The following RUNX1 variants were observed in gnomAD, a reference collection of about 807,000 sequenced individuals.
RUNX1 encodes the protein runt-related transcription factor 1.
Under a neutral mutation model 42.8 loss-of-function variants are expected in RUNX1, and 19 were observed. The observed-to-expected ratio is 0.44, with a 90% CI of 0.31 to 0.65. The LOEUF (loss-of-function observed/expected upper bound fraction) is 0.65. Ranked by LOEUF, RUNX1 falls within the 30% of genes least tolerant of loss-of-function variation. The pLI is 0.07. For synonymous variants in RUNX1, 271 were observed against 289.4 expected (o/e 0.94, Z 0.64); for missense variants, 528 against 672.0 (o/e 0.79, Z 2.37).
intron 2 of RUNX1, among the ~76,000 whole-genome samples, chr21:34,991,672 A>G (rs2058941598): frequency 6.6e-6 from 1 of 152,186 alleles, no homozygotes; most frequent in African/African-American, 2.4e-5. Flanking sequence ...AAAGTGGTAG[A>G]TAGGGGAACG....
chr21:34,856,754 A>G (rs2146218306), intron 6 of RUNX1, among the ~76,000 whole-genome samples: 1 of 152,330 alleles, frequency 6.6e-6, no homozygotes, highest in East Asian at 1.9e-4. Flanking sequence ...GACCTTGGCA[A>G]TGCCAGGGCC....
intron 2 of RUNX1, among the ~76,000 whole-genome samples, chr21:34,999,823 C>T (rs536519982): frequency 6.6e-6 from 1 of 152,262 alleles, no homozygotes; most frequent in East Asian, 1.9e-4. Flanking sequence ...GTGACTATTG[C>T]GTCAGACTAA....
At chr21:34,985,435 G>A (rs557142681) in intron 2 of RUNX1, among the ~76,000 whole-genome samples, 145 of 152,348 alleles carry the variant, frequency 9.5e-4, no homozygotes, top group Non-Finnish European at 1.5e-3. Flanking sequence ...ATCTGTAGGA[G>A]TGGAATAGGC....
Position 34,788,952 on chromosome 21 carries a change from T to C in RUNX1, c.*3183A>G, listed in dbSNP as rs1269399414. 8.6e-6 allele frequency: 2 copies of C among 233,330 alleles called. No individual in the cohort carries two copies. Among genetic ancestry groups the C allele is most frequent in the Admixed American group, 1.1e-4 (2 of 17,806 alleles). The allele number at this position is 233,330 out of a possible 1,614,324, so 14.5% of individuals were successfully genotyped here. A position where few individuals can be genotyped will look rare whatever the true frequency, so the allele number is the denominator to read the frequency against. On this transcript the variant is annotated 3_prime_UTR_variant, in exon 9 of 9. Coordinates refer to ENST00000675419, the MANE Select transcript of RUNX1 (RefSeq NM_001754.5). Reference sequence around the variant, plus strand: ...CAAGGCAGAAATCTGCAATCCTAAATTGCAGGACATTTGAGTGGAACCATT... The same window carrying C: ...CAAGGCAGAAATCTGCAATCCTAAACTGCAGGACATTTGAGTGGAACCATT...
Position 34,792,084 on chromosome 21 carries a change from C to G in RUNX1, c.*51G>C. 3 of 1,194,856 alleles carry G rather than the reference C, an allele frequency of 2.5e-6. No homozygotes were observed. The highest frequency in any genetic ancestry group is 3.2e-6 in the Non-Finnish European group (3 of 930,380). The allele number at this position is 1,194,856 out of a possible 1,614,324, so 74.0% of individuals were successfully genotyped here. On this transcript the variant is annotated 3_prime_UTR_variant, in exon 9 of 9. Transcript: ENST00000675419. This position sits in a 1 kb window ranked among gnomAD's most constrained non-coding sequence, Gnocchi z 6.9. ...GTCGCGAACAGGAGGCCCGCGCGCC[C>G]GGAGGCGAAGGCGGCGGCCCGCGGG...
At chr21:34,940,896 T>C (rs1413792227) in intron 2 of RUNX1, among the ~76,000 whole-genome samples, 9 of 152,224 alleles carry the variant, frequency 5.9e-5, no homozygotes, top group African/African-American at 2.2e-4. Flanking sequence ...TGGACTGAAA[T>C]AAACTCAGGT....
intron 2 of RUNX1, 59 bp from the exon 3 acceptor site, chr21:34,893,022 C>A: frequency 8.3e-7 from 1 of 1,207,778 alleles, no homozygotes; most frequent in Non-Finnish European, 1.2e-6. Flanking sequence ...TAACTTTCCC[C>A]CGACTTTTTT....
At chr21:34,911,359 A>G (rs1215840750) in intron 2 of RUNX1, among the ~76,000 whole-genome samples, 1 of 152,220 alleles carries the variant, frequency 6.6e-6, no homozygotes, top group East Asian at 1.9e-4. Flanking sequence ...GACATCTCAT[A>G]GATAGCAACC....
intron 2 of RUNX1, among the ~76,000 whole-genome samples, chr21:35,021,046 C>T (rs2059194508): frequency 6.6e-6 from 1 of 152,126 alleles, no homozygotes; most frequent in Non-Finnish European, 1.5e-5. Flanking sequence ...AGTCTTTTCT[C>T]AAGAGAAAAT....
chr21:34,990,858 T>G (rs1315470358), intron 2 of RUNX1, among the ~76,000 whole-genome samples: 2 of 152,184 alleles, frequency 1.3e-5, no homozygotes, highest in African/African-American at 2.4e-5. Flanking sequence ...TCCAAAGTGC[T>G]GGGATTATAG....
chr21:34,847,775 T>C (rs2057338244), intron 6 of RUNX1, among the ~76,000 whole-genome samples: 1 of 152,216 alleles, frequency 6.6e-6, no homozygotes, highest in African/African-American at 2.4e-5. Flanking sequence ...GGCAACATGG[T>C]TGACAGGGTT....
chr21:34,951,825 C>A (rs891057454), intron 2 of RUNX1, among the ~76,000 whole-genome samples: 2 of 152,172 alleles, frequency 1.3e-5, no homozygotes, highest in African/African-American at 4.8e-5. Flanking sequence ...GTGGCGATTT[C>A]TCAAGGATCT....
At chr21:34,924,272 G>A (rs947696649) in intron 2 of RUNX1, among the ~76,000 whole-genome samples, 1 of 152,166 alleles carries the variant, frequency 6.6e-6, no homozygotes, top group African/African-American at 2.4e-5. Flanking sequence ...CTTGCTAAGT[G>A]CTAGGCTCTG....
intron 2 of RUNX1, among the ~76,000 whole-genome samples, chr21:35,014,694 G>A (rs767583098): frequency 1.3e-5 from 2 of 152,188 alleles, no homozygotes; most frequent in Admixed American, 1.3e-4. Flanking sequence ...TTAGCAAATC[G>A]GAGCTTCCTC....
At position 34,788,691 on chromosome 21, in the gene RUNX1, T is replaced by C. The variant is rs183666715; in HGVS notation, c.*3444A>G. 370 of 233,482 alleles carry C rather than the reference T, an allele frequency of 1.6e-3. 4 individuals carry two copies. The highest frequency in any genetic ancestry group is 1.3e-3 in the Admixed American group (24 of 17,794). 14.5% of individuals were successfully genotyped at this position (233,482 alleles called of 1,614,324 possible). A position where few individuals can be genotyped will look rare whatever the true frequency, so the allele number is the denominator to read the frequency against. ...AAAAAGAGCCAAATGATCAGCCTCA[T>C]CAATACTGACCTGGCTAAAAACAAA... On this transcript the variant is annotated 3_prime_UTR_variant, in exon 9 of 9. Coordinates refer to ENST00000675419, the MANE Select transcript of RUNX1 (RefSeq NM_001754.5).
At chr21:34,996,121 G>T (rs1262247940) in intron 2 of RUNX1, among the ~76,000 whole-genome samples, 1 of 152,096 alleles carries the variant, frequency 6.6e-6, no homozygotes, top group African/African-American at 2.4e-5. Context: ...GACTTGGGAG[G>T]ACCATGAGGC....
At chr21:35,016,378 G>A (rs73203042) in intron 2 of RUNX1, among the ~76,000 whole-genome samples, 18 of 152,288 alleles carry the variant, frequency 1.2e-4, no homozygotes, top group Non-Finnish European at 2.2e-4. Flanking sequence ...TGGGGCTTGA[G>A]TAAAGCTTTC....
intron 6 of RUNX1, among the ~76,000 whole-genome samples, chr21:34,852,498 C>T (rs1426713167): frequency 6.6e-6 from 1 of 152,188 alleles, no homozygotes; most frequent in Non-Finnish European, 1.5e-5. Flanking sequence ...TCGCTGGAAA[C>T]ATTTAGGCAC....
At chr21:34,947,444 GTGAC>G (rs768293283) in intron 2 of RUNX1, among the ~76,000 whole-genome samples, 3 of 152,186 alleles carry the variant, frequency 2.0e-5, no homozygotes, top group Non-Finnish European at 2.9e-5. Flanking sequence ...TCTTACATGA[GTGAC>G]TGAACAATCT....
Sources: gnomAD v4.1 joint callset for allele counts (sites outside exome capture counted in the v4.1 genomes callset) on GRCh38, gnomAD v4.1.1 for gene constraint, Gnocchi (gnomAD v3.1) non-coding constraint, MANE v1.5 for transcripts, NCBI Gene and HGNC (gene_info 2026-07-23, HGNC 2026-07-21) for gene names.